FARP1: variants seen among roughly 807,000 people sequenced by gnomAD.
FARP1 encodes the protein FERM, ARH/RhoGEF and pleckstrin domain protein 1.
Under a neutral mutation model 128.8 loss-of-function variants are expected in FARP1, and 52 were observed. The ratio of observed to expected loss-of-function variants is 0.40; its 90% CI spans 0.32 to 0.51. FARP1 has a LOEUF of 0.51. Among genes scored for constraint, FARP1 ranks in the 20% least tolerant of loss-of-function variants. The pLI, the probability that FARP1 is intolerant of heterozygous loss-of-function variation, is 0.45. For missense variants in FARP1, 1,333 were observed against 1,367.9 expected, an observed-to-expected ratio of 0.97 and a Z score of 0.40; for synonymous variants, 580 against 551.8, an observed-to-expected ratio of 1.05 and a Z score of -0.72.
chr13:98,147,261 C>A (rs1302108247), intron 1 of FARP1, among the ~76,000 whole-genome samples: 1 of 152,202 alleles, frequency 6.6e-6, no homozygotes, highest in Non-Finnish European at 1.5e-5. Context: ...TCCGGCGAGA[C>A]TGAAACTGAG....
chr13:98,339,934 C>T (rs535895844), intron 2 of FARP1, among the ~76,000 whole-genome samples: 3 of 152,180 alleles, frequency 2.0e-5, no homozygotes, highest in South Asian at 2.1e-4. Context: ...GGACTCAACA[C>T]GCCCTCATAT....
intron 2 of FARP1, among the ~76,000 whole-genome samples, chr13:98,309,433 T>A (rs1160124285): frequency 6.6e-6 from 1 of 151,862 alleles, no homozygotes; most frequent in African/African-American, 2.4e-5. Context: ...CCTCCCAAAG[T>A]GCTGGGATTA....
intron 19 of FARP1, 114 bp from the exon 20 acceptor site, chr13:98,438,690 G>A (rs918713371): frequency 1.4e-4 from 111 of 792,042 alleles, no homozygotes; most frequent in African/African-American, 1.4e-3. Flanking sequence ...GGGTCTGCAC[G>A]CTCGCAGTCA....
In FARP1 at chr13:98,197,336, C is replaced by A. The variant is rs1038405050; in HGVS notation, c.-23-15884C>A. Among the ~76,000 whole-genome samples the A allele has an allele frequency of 6.6e-5, 10 of 152,026 alleles. No homozygotes were observed. In the East Asian group the frequency reaches 2.0e-3, roughly 30 times the overall value. On this transcript the variant is annotated intron_variant, in intron 1 of 26. Coordinates refer to ENST00000319562, the MANE Select transcript of FARP1 (RefSeq NM_005766.4). ...ACAAAATTAGACAGGCTTGGTGGCG[C>A]ATGCCTGTAATCCCAGCTACTCGGG...
intron 1 of FARP1, chr13:98,175,910 T>G: frequency 1.9e-6 from 1 of 518,228 alleles, no homozygotes; most frequent in Non-Finnish European, 3.4e-6. Flanking sequence ...TAAGGCTTAA[T>G]AGCATTCCAT....
Position 98,377,859 on chromosome 13 carries a change from A to G in FARP1, c.437A>G (p.Gln146Arg), listed in dbSNP as rs1206960715. The G allele has an allele frequency of 1.2e-6, 2 of 1,613,992 alleles. No individual in the cohort carries two copies. The highest frequency in any genetic ancestry group is 1.7e-6 in the Non-Finnish European group (2 of 1,179,954). Residue 146 changes from glutamine to arginine, a missense_variant, in exon 6 of 27, where the codon CAA (glutamine) becomes CGA (arginine). Coordinates refer to ENST00000319562, the MANE Select transcript of FARP1 (RefSeq NM_005766.4). ...CTGCAGGTGAAGCAGGACTTGGCTC[A>G]AGGCAGGTTGACGTGTAATGACACC... ...FALQVKQDLA[Q>R]GRLTCNDTSA...
intron 1 of FARP1, among the ~76,000 whole-genome samples, chr13:98,206,979 G>T (rs1214218649): frequency 2.6e-5 from 4 of 152,110 alleles, no homozygotes; most frequent in Non-Finnish European, 5.9e-5. Flanking sequence ...GAGGCCTTTC[G>T]GTTTGTTGGA....
intron 2 of FARP1, among the ~76,000 whole-genome samples, chr13:98,274,925 C>CCA (rs1884564606): frequency 6.6e-6 from 1 of 152,104 alleles, no homozygotes; most frequent in Admixed American, 6.5e-5. Flanking sequence ...TAATTTAGGT[C>CCA]AGATAATAGA....
chr13:98,423,316 G>GTTAATA lies in FARP1; in HGVS notation c.1827-1255_1827-1254insTAATAT, dbSNP rs1193364451. 4.0e-3 allele frequency among the ~76,000 whole-genome samples: 607 copies of GTTAATA among 152,266 alleles called. 5 individuals carry two copies. The highest frequency in any genetic ancestry group is 0.014 in the African/African-American group (584 of 41,530). ...GACACTCGATATTAACCATCATAGG[G>GTTAATA]TGTATGTAGATCCCGGGTCCCTCCT... On this transcript the variant is annotated intron_variant, in intron 16 of 26. Transcript: ENST00000319562.
intron 2 of FARP1, among the ~76,000 whole-genome samples, chr13:98,318,950 G>GTTTTTTTTTTTTTTTTT (rs56166470): frequency 5.9e-4 from 71 of 120,656 alleles, no homozygotes; most frequent in Middle Eastern, 5.0e-3. Flanking sequence ...GTTTTTTCTT[G>GTTTTTTTTTTTTTTTTT]TTTTTTTTTT....
At chr13:98,185,220 T>G (rs1878780907) in intron 1 of FARP1, among the ~76,000 whole-genome samples, 1 of 148,126 alleles carries the variant, frequency 6.8e-6, no homozygotes, top group South Asian at 2.1e-4. Flanking sequence ...AATCCATATC[T>G]TTATATAATA....
Position 98,409,467 on chromosome 13 carries a change from C to A in FARP1, c.1544C>A (p.Pro515Gln), listed in dbSNP as rs771748804. The change falls in exon 14 of 27, where the codon CCG becomes CAG. Residue 515 changes from proline to glutamine, a missense_variant. Around this residue, in one of 2 missense-constraint regions of FARP1, gnomAD observed 1,009 missense variants for 969.8 expected, o/e 1.04. Coordinates refer to ENST00000319562, the MANE Select transcript of FARP1 (RefSeq NM_005766.4). ...AAGCAGGCCTCTCCCTTGATCAGCC[C>A]GCTGCTGAATGACCAGGCCTGCCCC... The part of the protein sequence containing the change: ...DTKQASPLIS[P>Q]LLNDQACPRT... 6.2e-7 allele frequency: 1 copy of A among 1,613,950 alleles called. No individual in the cohort carries two copies. The highest frequency in any genetic ancestry group is 1.3e-5 in the African/African-American group (1 of 74,994).
rs1892004950 is a variant in FARP1, at chr13:98,431,223, C to T, written c.2086C>T (p.Leu696=). The T allele has an allele frequency of 1.3e-6, 2 of 1,594,160 alleles. No individual in the cohort carries two copies. The highest frequency in any genetic ancestry group is 1.7e-6 in the Non-Finnish European group (2 of 1,170,794). ...CCGGCTCATGCACTACAAGCAGGTC[C>T]TGGAGCGGCTGTGCAAACACCACCC... ...LHRLMHYKQV[L]ERLCKHHPPS... Residue 696 remains leucine, a synonymous_variant, in exon 18 of 27, where the codon CTG becomes TTG. Transcript: ENST00000319562.
At chr13:98,268,444 C>T (rs115498860) in intron 2 of FARP1, among the ~76,000 whole-genome samples, 183 of 152,266 alleles carry the variant, frequency 1.2e-3, no homozygotes, top group African/African-American at 4.2e-3. Flanking sequence ...AGCACATCTA[C>T]GCTGACTAAA....
At chr13:98,147,954 A>G (rs1875694026) in intron 1 of FARP1, among the ~76,000 whole-genome samples, 1 of 152,208 alleles carries the variant, frequency 6.6e-6, no homozygotes, top group Admixed American at 6.5e-5. Context: ...TTTTTAAAGG[A>G]AACTTGTTAT....
chr13:98,175,990 G>T, intron 1 of FARP1: 1 of 644,390 alleles, frequency 1.6e-6, no homozygotes, highest in South Asian at 2.1e-5. Flanking sequence ...TACACCTCTT[G>T]GCTTTTGCAA....
chr13:98,393,420 T>C (rs1175118896), intron 11 of FARP1, among the ~76,000 whole-genome samples: 1 of 152,234 alleles, frequency 6.6e-6, no homozygotes, highest in Non-Finnish European at 1.5e-5. Context: ...CAAGGGCTTC[T>C]GAGAATTTCT....
At chr13:98,412,382 T>C (rs1891226539) in intron 16 of FARP1, among the ~76,000 whole-genome samples, 1 of 152,264 alleles carries the variant, frequency 6.6e-6, no homozygotes, top group African/African-American at 2.4e-5. Context: ...AATATTTTAC[T>C]GGTGCTTGCT....
At chr13:98,348,875 C>T (rs1329122374) in intron 3 of FARP1, among the ~76,000 whole-genome samples, 1 of 152,182 alleles carries the variant, frequency 6.6e-6, no homozygotes, top group African/African-American at 2.4e-5. Flanking sequence ...TATTCTATAA[C>T]CCAAATTTTA....
Sources: allele counts gnomAD v4.1 joint callset (sites outside exome capture counted in the v4.1 genomes callset), GRCh38; gene constraint gnomAD v4.1.1; regional missense constraint gnomAD v4.1.1; transcripts MANE v1.5; gene names NCBI Gene and HGNC (gene_info 2026-07-23, HGNC 2026-07-21).